The following CD99L2 variants were observed in gnomAD, a reference collection of about 807,000 sequenced individuals.
CD99L2 encodes the protein CD99 molecule like 2.
A neutral mutation model predicts 27.3 loss-of-function variants in CD99L2; 24 were observed. The observed-to-expected ratio is 0.88, with a 90% CI of 0.64 to 1.24. The LOEUF (loss-of-function observed/expected upper bound fraction) is 1.24, where lower values mean the gene tolerates loss of function less well. CD99L2 is among the 50% of genes most tolerant of loss of function. The probability of loss-of-function intolerance (pLI) is 0.00; values close to 1 mark genes in which losing one functional copy is unlikely to be tolerated. For synonymous variants in CD99L2, 97 were observed against 87.9 expected, an observed-to-expected ratio of 1.10 and a Z score of -0.58; for missense variants, 255 against 221.6, an observed-to-expected ratio of 1.15 and a Z score of -0.96.
intron 10 of CD99L2, among the ~76,000 whole-genome samples, chrX:150,769,422 C>A (rs1165224280): frequency 8.9e-6 from 1 of 112,841 alleles, no homozygotes; most frequent in African/African-American, 3.2e-5. Flanking sequence ...ATGCTGGCCT[C>A]GTGGTGGCTA....
intron 1 of CD99L2, among the ~76,000 whole-genome samples, chrX:150,869,024 A>ATAAAG (rs2047114733): frequency 1.8e-5 from 2 of 112,483 alleles, no homozygotes; most frequent in Non-Finnish European, 3.8e-5. Flanking sequence ...AGGCAAGTGA[A>ATAAAG]TGAGACTTTC....
At chrX:150,777,711 G>A (rs1205949753) in intron 7 of CD99L2, among the ~76,000 whole-genome samples, 1 of 112,394 alleles carries the variant, frequency 8.9e-6, no homozygotes, top group East Asian at 2.8e-4. Context: ...TTATTAAAAT[G>A]GCAGCCACCT....
chrX:150,768,929 G>T lies in CD99L2; in HGVS notation c.*105C>A, dbSNP rs918677938. On this transcript the variant is annotated 3_prime_UTR_variant, in exon 11 of 11. Transcript: ENST00000370377. ...GGGAAACTCAGACCAACAAGGAGCCGATGGCACAGAGCAGCACAGCAGCTG... is the reference window on the plus strand; with the variant it reads ...GGGAAACTCAGACCAACAAGGAGCCTATGGCACAGAGCAGCACAGCAGCTG... 1.9e-6 allele frequency: 2 copies of T among 1,070,140 alleles called. No individual in the cohort carries two copies. The highest frequency in any genetic ancestry group is 2.4e-6 in the Non-Finnish European group (2 of 836,306). The allele number at this position is 1,070,140 out of a possible 1,213,427, so 88.2% of individuals were successfully genotyped here. A position where few individuals can be genotyped will look rare whatever the true frequency, so the allele number is the denominator to read the frequency against.
intron 7 of CD99L2, among the ~76,000 whole-genome samples, chrX:150,785,335 C>T (rs1243189762): frequency 9.0e-6 from 1 of 111,348 alleles, no homozygotes; most frequent in African/African-American, 3.3e-5. Context: ...ACCCAAATTC[C>T]CAGCACGCAG....
intron 2 of CD99L2, among the ~76,000 whole-genome samples, chrX:150,830,597 G>A (rs2046428578): frequency 9.1e-6 from 1 of 110,071 alleles, no homozygotes; most frequent in Non-Finnish European, 1.9e-5. Context: ...TCTAAAAGGA[G>A]AAACAAATCT....
intron 9 of CD99L2, among the ~76,000 whole-genome samples, chrX:150,775,635 A>G (rs1408175020): frequency 8.9e-6 from 1 of 112,470 alleles, no homozygotes; most frequent in Non-Finnish European, 1.9e-5. Flanking sequence ...GATTCCATAC[A>G]GTTTGTGGCT....
At chrX:150,792,417 G>T (rs2045705297) in intron 7 of CD99L2, among the ~76,000 whole-genome samples, 1 of 111,786 alleles carries the variant, frequency 8.9e-6, no homozygotes, top group Non-Finnish European at 1.9e-5. Context: ...CCCTTTAAAT[G>T]TTCCATGTTA....
chrX:150,794,931 G>A (rs1198145251), intron 6 of CD99L2, among the ~76,000 whole-genome samples: 2 of 112,906 alleles, frequency 1.8e-5, no homozygotes, highest in Admixed American at 1.9e-4. Context: ...TATGTTAAAT[G>A]TATGGGTTTA....
chrX:150,851,833 C>A (rs1476944216), intron 1 of CD99L2, among the ~76,000 whole-genome samples: 1 of 111,843 alleles, frequency 8.9e-6, no homozygotes, highest in Non-Finnish European at 1.9e-5. Context: ...ACATATCAGG[C>A]CCCCTTTGAT....
intron 7 of CD99L2, among the ~76,000 whole-genome samples, chrX:150,790,132 T>A (rs141338249): frequency 9.0e-6 from 1 of 110,915 alleles, no homozygotes; most frequent in East Asian, 2.9e-4. Context: ...TATGGCATCC[T>A]GGATAAGGTA....
intron 1 of CD99L2, among the ~76,000 whole-genome samples, chrX:150,882,797 C>G (rs1557422535): frequency 8.9e-6 from 1 of 112,084 alleles, no homozygotes; most frequent in Non-Finnish European, 1.9e-5. Flanking sequence ...CTTCCCATTA[C>G]AAACAACTAA....
rs1324152118 is a variant in CD99L2 at position 150,768,162 on chromosome X, C to G, written c.*872G>C. On this transcript the variant is annotated 3_prime_UTR_variant, in exon 11 of 11. Transcript: ENST00000370377. ...TGATGCTCGTTCTTGACATCGGTCACTCTTGCTACCAAAACAGGGACACAG... is the reference window on the plus strand; with the variant it reads ...TGATGCTCGTTCTTGACATCGGTCAGTCTTGCTACCAAAACAGGGACACAG... The G allele has an allele frequency of 8.9e-6, 1 of 111,995 alleles. No individual in the cohort carries two copies. Among genetic ancestry groups the G allele is most frequent in the Non-Finnish European group, 1.9e-5 (1 of 53,209 alleles). The allele number at this position is 111,995 out of a possible 1,213,427, so 9.2% of individuals were successfully genotyped here.
At chrX:150,827,404 G>T (rs2046382999) in intron 2 of CD99L2, among the ~76,000 whole-genome samples, 1 of 111,393 alleles carries the variant, frequency 9.0e-6, no homozygotes, top group Non-Finnish European at 1.9e-5. Flanking sequence ...AGAGACACTG[G>T]CTGATGGGTG....
chrX:150,811,495 C>T, intron 4 of CD99L2, among the ~76,000 whole-genome samples: 1 of 111,863 alleles, frequency 8.9e-6, no homozygotes, highest in East Asian at 2.8e-4. Flanking sequence ...TAATTAACAG[C>T]AATTCTTCAG....
chrX:150,770,609 G>A (rs1476358590), intron 9 of CD99L2, among the ~76,000 whole-genome samples: 7 of 112,754 alleles, frequency 6.2e-5, no homozygotes, highest in South Asian at 3.6e-4. Flanking sequence ...GACATGCAGC[G>A]AAGGCTTCCG....
At chrX:150,781,868 T>C (rs1378048835) in intron 7 of CD99L2, among the ~76,000 whole-genome samples, 1 of 112,095 alleles carries the variant, frequency 8.9e-6, no homozygotes, top group African/African-American at 3.2e-5. Flanking sequence ...GAATAAGCCC[T>C]GCGATCAAAG....
At chrX:150,875,354 CCA>C (rs1365077084) in intron 1 of CD99L2, among the ~76,000 whole-genome samples, 1 of 111,966 alleles carries the variant, frequency 8.9e-6, no homozygotes, top group East Asian at 2.8e-4. Context: ...CAGAATTTCC[CCA>C]GTTTTACTTG....
intron 7 of CD99L2, among the ~76,000 whole-genome samples, chrX:150,787,725 T>G (rs1298899993): frequency 1.0e-4 from 7 of 69,753 alleles, no homozygotes; most frequent in South Asian, 1.3e-3. Flanking sequence ...GTGGGGAACA[T>G]CACACACTGG....
chrX:150,858,065 T>C (rs993488162), intron 1 of CD99L2, among the ~76,000 whole-genome samples: 1 of 112,380 alleles, frequency 8.9e-6, no homozygotes, highest in African/African-American at 3.2e-5. Context: ...TAAACTTATA[T>C]CAGTTAAATG....
Sources: gnomAD v4.1 joint callset for allele counts (sites outside exome capture counted in the v4.1 genomes callset) on GRCh38, gnomAD v4.1.1 for gene constraint, MANE v1.5 for transcripts, NCBI Gene and HGNC (gene_info 2026-07-23, HGNC 2026-07-21) for gene names.